Variants in ARHGAP35 observed in about 807,000 individuals in gnomAD.
ARHGAP35 encodes rho GTPase-activating protein 35.
A neutral mutation model predicts 111.1 loss-of-function variants in ARHGAP35; 15 were observed. The observed-to-expected ratio is 0.13, with a 90% confidence interval of 0.09 to 0.21. ARHGAP35 has a LOEUF of 0.21. Among genes scored for constraint, ARHGAP35 ranks in the 10% least tolerant of loss-of-function variants. The pLI is 1.00. For synonymous variants in ARHGAP35, 643 were observed against 710.3 expected (o/e 0.91, Z 1.51); for missense variants, 1,262 against 1,873.0 (o/e 0.67, Z 6.02).
Position 46,920,038 on chromosome 19 carries a change from G to T in ARHGAP35, c.1363G>T (p.Ala455Ser). 1 of 1,613,730 alleles carries T rather than the reference G, an allele frequency of 6.2e-7. No homozygotes were observed. Among genetic ancestry groups the T allele is most frequent in the East Asian group, 2.2e-5 (1 of 44,878 alleles). The change falls in exon 2 of 7, where the codon GCC becomes TCC. Residue 455 changes from alanine to serine, a missense_variant. This residue lies in a region of ARHGAP35 where 328 missense variants were observed against 440.8 expected (regional missense o/e 0.74). Transcript: ENST00000672722. The surrounding 1 kb of genome is among the most constrained non-coding windows in gnomAD (Gnocchi z 7.0). ...AACTCCCGGAAAGCCTTGGGAAGAG[G>T]CCCGTAGTTTTATTATGAATGAGGA... is the stretch of plus-strand genomic sequence containing the variant. ...FITPGKPWEE[A>S]RSFIMNEDFY...
At chr19:46,911,219 C>T (rs377197874) in intron 1 of ARHGAP35, among the ~76,000 whole-genome samples, 4 of 152,194 alleles carry the variant, frequency 2.6e-5, no homozygotes, top group African/African-American at 9.7e-5. Context: ...AGAACCAATT[C>T]AAATTTTACT....
chr19:46,920,453 C>A lies in ARHGAP35; in HGVS notation c.1778C>A (p.Pro593His), dbSNP rs1263759954. 6.2e-7 allele frequency: 1 copy of A among 1,613,804 alleles called. No homozygotes were observed. Among genetic ancestry groups the A allele is most frequent in the African/African-American group, 1.3e-5 (1 of 74,932 alleles). The part of the protein sequence containing the change: ...DRNQKNSLSD[P>H]NIDRINLVIL... ...AATCAGAAAAATTCACTCTCTGACC[C>A]TAACATTGATAGAATCAACTTGGTT... Residue 593 changes from proline to histidine, a missense_variant, in exon 2 of 7, where the codon CCT (proline) becomes CAT (histidine). By Grantham distance (77) the Pro-to-His change is moderately conservative. This residue lies in a region of ARHGAP35 where 328 missense variants were observed against 440.8 expected (regional missense o/e 0.74). Coordinates refer to ENST00000672722, the MANE Select transcript of ARHGAP35 (RefSeq NM_004491.5). This position sits in a 1 kb window ranked among gnomAD's most constrained non-coding sequence, Gnocchi z 7.0.
At chr19:46,871,321 C>T (rs10424983) in intron 1 of ARHGAP35, among the ~76,000 whole-genome samples, 3,029 of 152,220 alleles carry the variant, frequency 0.02, 108 homozygotes, top group African/African-American at 0.068. Context: ...TGTGAACTTT[C>T]AGGAAAGTAG....
Position 46,908,329 on chromosome 19 carries a change from G to C in ARHGAP35, c.-188-10159G>C, listed in dbSNP as rs866531198. ...AAAGGTAAGACTCGGCTGTTTTTTT[G>C]TATCTTGACTTGGTAAGAATCTCAG... On this transcript the variant is annotated intron_variant, in intron 1 of 6. Transcript: ENST00000672722. This position sits in a 1 kb window ranked among gnomAD's most constrained non-coding sequence, Gnocchi z 4.2. 6.6e-6 allele frequency among the ~76,000 whole-genome samples: 1 copy of C among 152,048 alleles called. No homozygotes were observed.
At chr19:46,998,054 A>G (rs2056723420) in intron 5 of ARHGAP35, among the ~76,000 whole-genome samples, 1 of 152,068 alleles carries the variant, frequency 6.6e-6, no homozygotes, top group Non-Finnish European at 1.5e-5. Flanking sequence ...GTGAGCCGAC[A>G]TCGCACCACT....
chr19:46,957,115 C>T (rs1277207797), intron 3 of ARHGAP35, among the ~76,000 whole-genome samples: 1 of 151,970 alleles, frequency 6.6e-6, no homozygotes, highest in African/African-American at 2.4e-5. Context: ...GCACACACCA[C>T]CACGCCCAAC....
intron 1 of ARHGAP35, among the ~76,000 whole-genome samples, chr19:46,887,953 CTTT>C (rs775973443): frequency 1.5e-5 from 2 of 137,858 alleles, no homozygotes; most frequent in Non-Finnish European, 1.6e-5. Flanking sequence ...AGTACTTTGC[CTTT>C]TTTTTTTTTT....
In ARHGAP35 at chr19:46,912,029, AGT is replaced by A. The variant is rs1199240522; in HGVS notation, c.-188-6456_-188-6455del. Among the ~76,000 whole-genome samples, 9 of 151,912 alleles carry A rather than the reference AGT, an allele frequency of 5.9e-5. No individual in the cohort carries two copies. The East Asian group carries it at 1.7e-3, about 29-fold the overall frequency. On this transcript the variant is annotated intron_variant, in intron 1 of 6. Transcript: ENST00000672722. Reference sequence around the variant, plus strand: ...TCAGTGGTTTAATAAGCCAGAGAATAGTGTTCCCTTCTTTTCTTTTTTTTTTT... The same window carrying A: ...TCAGTGGTTTAATAAGCCAGAGAATAGTTCCCTTCTTTTCTTTTTTTTTTT...
chr19:46,999,475 C>T lies in ARHGAP35; in HGVS notation c.4142+66C>T. On this transcript the variant is annotated intron_variant, in intron 6 of 6. Coordinates refer to ENST00000672722, the MANE Select transcript of ARHGAP35 (RefSeq NM_004491.5). The surrounding 1 kb of genome is among the most constrained non-coding windows in gnomAD (Gnocchi z 5.4). ...ATTGACAGCCAGGGTCAGTGTGTCG[C>T]AGAACAAGGCTCTGTCCACAAGCCA... The T allele has an allele frequency of 9.4e-7, 1 of 1,068,592 alleles. No homozygotes were observed. The highest frequency in any genetic ancestry group is 1.6e-5 in the African/African-American group (1 of 63,630). 66.2% of individuals were successfully genotyped at this position (1,068,592 alleles called of 1,614,324 possible).
Position 46,919,942 on chromosome 19 carries a change from C to A in ARHGAP35, c.1267C>A (p.Leu423Met), listed in dbSNP as rs1335280828. The A allele has an allele frequency of 6.2e-7, 1 of 1,613,922 alleles. No individual in the cohort carries two copies. The highest frequency in any genetic ancestry group is 1.7e-5 in the Admixed American group (1 of 60,006). The change falls in exon 2 of 7, where the codon CTG becomes ATG. Residue 423 changes from leucine (L) to methionine (M), a missense_variant. Coordinates refer to ENST00000672722, the MANE Select transcript of ARHGAP35 (RefSeq NM_004491.5). The surrounding 1 kb of genome is among the most constrained non-coding windows in gnomAD (Gnocchi z 6.2). The stretch of plus-strand genomic sequence containing the variant: ...GCTATACGAGGCCCACTTAGAGAAG[C>A]TGAGGAACGAAAGGAAAAGAGTTGA... ...EQLYEAHLEKLRNERKRVEMR... is the reference protein window; with the variant it reads ...EQLYEAHLEKMRNERKRVEMR...
intron 3 of ARHGAP35, among the ~76,000 whole-genome samples, chr19:46,981,247 G>A (rs532226546): frequency 2.4e-4 from 37 of 152,326 alleles, no homozygotes; most frequent in African/African-American, 8.4e-4. Context: ...AAAGAAAAAG[G>A]GAATGGTTTA....
At chr19:46,975,417 C>T (rs1390249038) in intron 3 of ARHGAP35, among the ~76,000 whole-genome samples, 1 of 152,108 alleles carries the variant, frequency 6.6e-6, no homozygotes, top group East Asian at 1.9e-4. Context: ...CAGGGAGGGC[C>T]CAGCCTGGGG....
chr19:46,867,344 G>C (rs1281666698), intron 1 of ARHGAP35, among the ~76,000 whole-genome samples: 1 of 152,094 alleles, frequency 6.6e-6, no homozygotes, highest in Non-Finnish European at 1.5e-5. Context: ...TGATATCTCT[G>C]CATTCTTACT....
intron 3 of ARHGAP35, among the ~76,000 whole-genome samples, chr19:46,943,411 G>T (rs1235642805): frequency 6.6e-6 from 1 of 152,160 alleles, no homozygotes; most frequent in Admixed American, 6.5e-5. Flanking sequence ...GGGCTTACGG[G>T]CTCCATAGGG....
chr19:46,909,704 A>G (rs1156352487), intron 1 of ARHGAP35, among the ~76,000 whole-genome samples: 2 of 152,192 alleles, frequency 1.3e-5, no homozygotes, highest in Non-Finnish European at 2.9e-5. Flanking sequence ...GTTCTGGGCA[A>G]ATGTCACTTT....
chr19:46,951,433 A>G (rs1238580262), intron 3 of ARHGAP35, among the ~76,000 whole-genome samples: 1 of 150,574 alleles, frequency 6.6e-6, no homozygotes, highest in Non-Finnish European at 1.5e-5. Context: ...TGGTTGTGCC[A>G]TGTGTGTTTT....
chr19:46,915,804 T>G (rs1471315480), intron 1 of ARHGAP35, among the ~76,000 whole-genome samples: 1 of 152,182 alleles, frequency 6.6e-6, no homozygotes, highest in Non-Finnish European at 1.5e-5. Flanking sequence ...GCTGGAAAGT[T>G]GCTAAAGACT....
chr19:46,927,046 A>G (rs1247278005), intron 2 of ARHGAP35, among the ~76,000 whole-genome samples: 1 of 152,208 alleles, frequency 6.6e-6, no homozygotes, highest in Non-Finnish European at 1.5e-5. Context: ...GTCCTACTCA[A>G]TGAGCTTTGA....
intron 1 of ARHGAP35, among the ~76,000 whole-genome samples, chr19:46,902,001 A>G (rs1269304137): frequency 6.6e-6 from 1 of 152,170 alleles, no homozygotes; most frequent in African/African-American, 2.4e-5. Flanking sequence ...AAATGTTAAT[A>G]TTACCTTTCT....
Sources: gnomAD v4.1 joint callset for allele counts (sites outside exome capture counted in the v4.1 genomes callset) on GRCh38, gnomAD v4.1.1 for gene constraint, gnomAD v4.1.1 regional missense constraint, Gnocchi (gnomAD v3.1) non-coding constraint, MANE v1.5 for transcripts, NCBI Gene and HGNC (gene_info 2026-07-23, HGNC 2026-07-21) for gene names.